SQOR: variants seen among roughly 807,000 people sequenced by gnomAD.
SQOR encodes sulfide quinone oxidoreductase, also known as sulfide:quinone oxidoreductase, mitochondrial.
Under a neutral mutation model 48.6 loss-of-function variants are expected in SQOR, and 39 were observed. The observed-to-expected ratio is 0.80, with a 90% CI of 0.62 to 1.05. The LOEUF (loss-of-function observed/expected upper bound fraction) is 1.05, where lower values mean the gene tolerates loss of function less well. Ranked by LOEUF, SQOR falls within the 50% of genes least tolerant of loss-of-function variation. The pLI is 0.00. For missense variants in SQOR, 561 were observed against 559.9 expected (o/e 1.00, Z -0.02); for synonymous variants, 220 against 206.2 (o/e 1.07, Z -0.57).
chr15:45,683,785 A>G (rs1000168194), intron 7 of SQOR, among the ~76,000 whole-genome samples: 9 of 151,952 alleles, frequency 5.9e-5, no homozygotes, highest in Admixed American at 1.3e-4. Flanking sequence ...GTATTAACCA[A>G]TTATTAATAT....
At chr15:45,685,300 G>A (rs1443053728) in intron 7 of SQOR, among the ~76,000 whole-genome samples, 1 of 151,810 alleles carries the variant, frequency 6.6e-6, no homozygotes, top group Non-Finnish European at 1.5e-5. Flanking sequence ...AGTATCCCAA[G>A]GCAATGCTAC....
At position 45,655,027 on chromosome 15, in the gene SQOR, G is replaced by T. The variant is rs117016786; in HGVS notation, c.-17-3880G>T. On this transcript the variant is annotated intron_variant, in intron 1 of 9. Transcript: ENST00000260324. Reference sequence around the variant, plus strand: ...TGGAGCCGCCATCTTGAACATGATTGCCAGCATCTATGTCTGCAGCTCGAT... The same window carrying T: ...TGGAGCCGCCATCTTGAACATGATTTCCAGCATCTATGTCTGCAGCTCGAT... Among the ~76,000 whole-genome samples, 1,061 of 152,290 alleles carry T rather than the reference G, an allele frequency of 7.0e-3. 78 individuals carry two copies. In the East Asian group the frequency reaches 0.18, roughly 26 times the overall value.
intron 5 of SQOR, among the ~76,000 whole-genome samples, chr15:45,674,743 G>A (rs1890005830): frequency 6.6e-6 from 1 of 152,232 alleles, no homozygotes; most frequent in Non-Finnish European, 1.5e-5. Context: ...TGTAAGAGCA[G>A]TTGTCTGCAG....
chr15:45,660,547 C>T (rs1889700363), intron 2 of SQOR, among the ~76,000 whole-genome samples: 1 of 152,200 alleles, frequency 6.6e-6, no homozygotes. Flanking sequence ...CAAGTTTGTC[C>T]TGCCCCGTGA....
rs2140956246 is a variant in SQOR at position 45,673,759 on chromosome 15, C to T, written c.612C>T (p.Ala204=). 6.2e-7 allele frequency: 1 copy of T among 1,614,114 alleles called. No homozygotes were observed. The highest frequency in any genetic ancestry group is 1.6e-4 in the Middle Eastern group (1 of 6,062). ...FPNTPVKCAG[A]PQKIMYLSEA... is the part of the protein sequence containing the mutation. ...ATACTCCAGTGAAGTGTGCTGGAGC[C>T]CCTCAGAAGATCATGTACTTATCAG... The change falls in exon 5 of 10, where the codon GCC becomes GCT. Residue 204 remains alanine (A), a synonymous_variant. Transcript: ENST00000260324.
At chr15:45,632,710 T>C (rs1221956099), upstream of SQOR, among the ~76,000 whole-genome samples, 8 of 152,098 alleles carry the variant, frequency 5.3e-5, no homozygotes, top group South Asian at 1.4e-3. Context: ...AGGAGGGGAC[T>C]TTTTATTTGT....
chr15:45,676,040 A>G (rs533720831), intron 5 of SQOR, 61 bp from the exon 6 acceptor site: 529 of 428,790 alleles, frequency 1.2e-3, no homozygotes, highest in Non-Finnish European at 1.6e-3. Flanking sequence ...TGTCTGGATT[A>G]AAAAAAAAAA....
At chr15:45,635,755 G>T (rs1367283560) in intron 1 of SQOR, among the ~76,000 whole-genome samples, 3 of 152,200 alleles carry the variant, frequency 2.0e-5, no homozygotes, top group East Asian at 3.8e-4. Flanking sequence ...TGCCTGCGCT[G>T]CCCATTGCTA....
In SQOR at chr15:45,682,655, G is replaced by A. The variant is rs745672532; in HGVS notation, c.1042G>A (p.Ala348Thr). 2 of 1,613,536 alleles carry A rather than the reference G, an allele frequency of 1.2e-6. No homozygotes were observed. The highest frequency in any genetic ancestry group is 1.7e-5 in the Admixed American group (1 of 59,994). The change falls in exon 7 of 10, where the codon GCA (alanine) becomes ACA (threonine). Residue 348 changes from alanine (A) to threonine (T), a missense_variant. By Grantham distance (58) the Ala-to-Thr change is moderately conservative (BLOSUM62 0). Transcript: ENST00000260324. ...CCTTCCTACGTCAAAGACCGCTGCT[G>A]CAGTAGGTAAGTCAACCAGCTCCAT... ...TNLPTSKTAA[A>T]VAAQSGILDR...
At chr15:45,650,477 T>C (rs1222446294) in intron 1 of SQOR, among the ~76,000 whole-genome samples, 11 of 152,194 alleles carry the variant, frequency 7.2e-5, no homozygotes, top group African/African-American at 2.4e-4. Context: ...CACATAAGGG[T>C]AATGCCAGTG....
chr15:45,683,830 A>G (rs1465579343), intron 7 of SQOR, among the ~76,000 whole-genome samples: 1 of 151,916 alleles, frequency 6.6e-6, no homozygotes, highest in Non-Finnish European at 1.5e-5. Flanking sequence ...TTATGTATAT[A>G]TGTATATTAT....
intron 4 of SQOR, among the ~76,000 whole-genome samples, chr15:45,671,413 C>T (rs187096): frequency 1.2e-3 from 187 of 152,286 alleles, no homozygotes; most frequent in African/African-American, 4.1e-3. Context: ...CCGCCTCAGC[C>T]TCTCAAAGTG....
chr15:45,635,821 A>C (rs1894993768), intron 1 of SQOR, among the ~76,000 whole-genome samples: 1 of 149,336 alleles, frequency 6.7e-6, no homozygotes, highest in Non-Finnish European at 1.5e-5. Context: ...ATTTCTGGGA[A>C]GGCTAAAGAC....
intron 9 of SQOR, chr15:45,689,546 T>G (rs1890285346): frequency 6.0e-6 from 1 of 166,854 alleles, no homozygotes; most frequent in African/African-American, 2.4e-5. Context: ...GCCTCCTGAG[T>G]AGCTGGGATT....
intron 3 of SQOR, 123 bp from the exon 4 acceptor site, chr15:45,669,805 T>C: frequency 1.2e-6 from 1 of 816,216 alleles, no homozygotes; most frequent in Non-Finnish European, 2.1e-6. Context: ...TCATCTGTTC[T>C]ATGGGCTAAT....
At chr15:45,660,736 T>C (rs942922625) in intron 2 of SQOR, among the ~76,000 whole-genome samples, 2 of 152,190 alleles carry the variant, frequency 1.3e-5, no homozygotes, top group African/African-American at 4.8e-5. Flanking sequence ...TGAGCTCTCA[T>C]AAATGGAGAC....
intron 1 of SQOR, among the ~76,000 whole-genome samples, chr15:45,651,228 A>G (rs1382805196): frequency 3.9e-5 from 6 of 151,966 alleles, no homozygotes; most frequent in Admixed American, 2.6e-4. Flanking sequence ...GACCTGGTGC[A>G]CCCTCCGCAG....
At chr15:45,645,394 C>G (rs1566914301) in intron 1 of SQOR, among the ~76,000 whole-genome samples, 1 of 152,100 alleles carries the variant, frequency 6.6e-6, no homozygotes, top group Non-Finnish European at 1.5e-5. Context: ...TATGGGGTGC[C>G]TAGAAATTTG....
chr15:45,679,257 C>T (rs1341558842), intron 6 of SQOR, among the ~76,000 whole-genome samples: 1 of 152,180 alleles, frequency 6.6e-6, no homozygotes, highest in Non-Finnish European at 1.5e-5. Flanking sequence ...TGGCTCTTAA[C>T]CCTGGCTACA....
Sources: gnomAD v4.1 joint callset for allele counts (sites outside exome capture counted in the v4.1 genomes callset) on GRCh38, gnomAD v4.1.1 for gene constraint, MANE v1.5 for transcripts, NCBI Gene and HGNC (gene_info 2026-07-23, HGNC 2026-07-21) for gene names.